SLC46A2: variants seen among roughly 807,000 people sequenced by gnomAD.
SLC46A2 encodes the protein thymic stromal co-transporter.
Under a neutral mutation model 33.1 loss-of-function variants are expected in SLC46A2, and 25 were observed. That is an observed-to-expected ratio of 0.76 (90% CI 0.55 to 1.06). SLC46A2 has a LOEUF of 1.06. Among genes scored for constraint, SLC46A2 ranks in the 50% least tolerant of loss-of-function variants. The pLI is 0.00. For missense variants in SLC46A2, 622 were observed against 621.7 expected (o/e 1.00, Z 0.00); for synonymous variants, 254 against 275.9 (o/e 0.92, Z 0.79).
At position 112,890,134 on chromosome 9, in the gene SLC46A2, G is replaced by A. The variant is rs1841708626; in HGVS notation, c.548C>T (p.Ala183Val). The A allele has an allele frequency of 1.1e-5, 17 of 1,613,276 alleles. No individual in the cohort carries two copies. Among genetic ancestry groups the A allele is most frequent in the Non-Finnish European group, 1.4e-5 (16 of 1,179,884 alleles). The change falls in exon 1 of 4, where the codon GCG (alanine) becomes GTG (valine). Residue 183 changes from alanine (A) to valine (V), a missense_variant. By Grantham distance (64) the Ala-to-Val change is moderately conservative. Coordinates refer to ENST00000374228, the MANE Select transcript of SLC46A2 (RefSeq NM_033051.4). This position sits in a 1 kb window ranked among gnomAD's most constrained non-coding sequence, Gnocchi z 6.0. ...LILIDLMLGL[A>V]GFCGSMASGH... ...GGAAGCCATGCTCCCGCAGAACCCCGCCAAGCCCAGCATCAGGTCAATGAG... is the reference window on the plus strand; with the variant it reads ...GGAAGCCATGCTCCCGCAGAACCCCACCAAGCCCAGCATCAGGTCAATGAG...
chr9:112,890,025 G>C lies in SLC46A2; in HGVS notation c.657C>G (p.Ala219=). 2 of 1,614,080 alleles carry C rather than the reference G, an allele frequency of 1.2e-6. No homozygotes were observed. ...TTAGCACCAAAAGGCTGTAGAGCAG[G>C]GCAAACGAGGCACAGCTCACGCTGC... ...TACSVSCASF[A]LLYSLLVLKV... The change falls in exon 1 of 4, where the codon GCC becomes GCG. Residue 219 remains alanine (A), a synonymous_variant. Transcript: ENST00000374228. This position sits in a 1 kb window ranked among gnomAD's most constrained non-coding sequence, Gnocchi z 6.0.
rs1408758178 is a variant in SLC46A2 at position 112,879,777 on chromosome 9, G to T, written c.1413C>A (p.Asp471Glu). 6.2e-7 allele frequency: 1 copy of T among 1,612,574 alleles called. No homozygotes were observed. Among genetic ancestry groups the T allele is most frequent in the Non-Finnish European group, 8.5e-7 (1 of 1,178,820 alleles). ...YKQVPLSPYG[D>E]IIEK is the part of the protein sequence containing the mutation. ...GTAAGCATCTTCATTTCTCTATGAT[G>T]TCTCCATATGGTGACAATGGGACTT... The change falls in exon 4 of 4, where the codon GAC (aspartate) becomes GAA (glutamate). Residue 471 changes from aspartate to glutamate, a missense_variant. Coordinates refer to ENST00000374228, the MANE Select transcript of SLC46A2 (RefSeq NM_033051.4).
intron 1 of SLC46A2, among the ~76,000 whole-genome samples, chr9:112,887,912 AGTGTGT>A (rs34424153): frequency 5.1e-4 from 73 of 142,340 alleles, no homozygotes; most frequent in South Asian, 1.6e-3. Flanking sequence ...ATCCAGATGC[AGTGTGT>A]GTGTGTGTGT....
chr9:112,879,030 T>C lies in SLC46A2; in HGVS notation c.*732A>G, dbSNP rs1841547140. On this transcript the variant is annotated 3_prime_UTR_variant, in exon 4 of 4. Transcript: ENST00000374228. ...TAGCTCTTAATGTACCTCCTCTTCC[T>C]TCACACCACCCACTTTGGGAAGCAC... The C allele has an allele frequency of 6.6e-6, 1 of 152,190 alleles. No homozygotes were observed. The highest frequency in any genetic ancestry group is 1.9e-4 in the East Asian group (1 of 5,200). 9.4% of individuals were successfully genotyped at this position (152,190 alleles called of 1,614,324 possible).
chr9:112,884,131 G>A (rs1341297736), intron 3 of SLC46A2, among the ~76,000 whole-genome samples: 4 of 152,210 alleles, frequency 2.6e-5, no homozygotes, highest in African/African-American at 9.6e-5. Flanking sequence ...GAGCAAACAA[G>A]AGAGGGCAAG....
intron 3 of SLC46A2, chr9:112,881,789 T>G (rs1195140039): frequency 6.6e-6 from 1 of 152,238 alleles, no homozygotes; most frequent in Non-Finnish European, 1.5e-5. Flanking sequence ...ATTAAACAGC[T>G]AATCATGAAA....
chr9:112,888,678 C>G (rs1841677721), intron 1 of SLC46A2, among the ~76,000 whole-genome samples: 1 of 152,198 alleles, frequency 6.6e-6, no homozygotes, highest in African/African-American at 2.4e-5. Context: ...TCATCTCGAG[C>G]TTTCTGCTTA....
chr9:112,886,940 G>T (rs1016706703), intron 2 of SLC46A2, among the ~76,000 whole-genome samples: 1 of 152,026 alleles, frequency 6.6e-6, no homozygotes, highest in Non-Finnish European at 1.5e-5. Flanking sequence ...TGTTGTCCAG[G>T]CTGGTCTTGA....
At chr9:112,888,883 T>TTTG (rs1554760200) in intron 1 of SLC46A2, among the ~76,000 whole-genome samples, 9 of 144,562 alleles carry the variant, frequency 6.2e-5, no homozygotes, top group East Asian at 4.0e-4. Context: ...GTTTTTTTTT[T>TTTG]TTTGTTTGTT....
Position 112,890,415 on chromosome 9 carries a change from G to C in SLC46A2, c.267C>G (p.Pro89=), listed in dbSNP as rs144319966. The C allele has an allele frequency of 3.2e-4, 523 of 1,614,230 alleles. 1 individual carries two copies. The African/African-American group carries it at 3.5e-3, about 11-fold the overall frequency. ...IIYNLVVGLS[P]LLSAYGLGWL... ...ATCCCAGCCCGTAGGCGGACAGCAGGGGGGACAGGCCCACCACAAGGTTGT... is the reference window on the plus strand; with the variant it reads ...ATCCCAGCCCGTAGGCGGACAGCAGCGGGGACAGGCCCACCACAAGGTTGT... The change falls in exon 1 of 4, where the codon CCC becomes CCG. Residue 89 remains proline, a synonymous_variant. Transcript: ENST00000374228. The surrounding 1 kb of genome is among the most constrained non-coding windows in gnomAD (Gnocchi z 6.0).
chr9:112,890,612 G>A lies in SLC46A2; in HGVS notation c.70C>T (p.Pro24Ser). ...GCCACCTGGGACGAGGCCACCACGGGCTCAACCCAGGTCCTCGGGTGGAAG... is the reference window on the plus strand; with the variant it reads ...GCCACCTGGGACGAGGCCACCACGGACTCAACCCAGGTCCTCGGGTGGAAG... ...PRFHPRTWVEPVVASSQVAAS... is the reference protein window; with the variant it reads ...PRFHPRTWVESVVASSQVAAS... The change falls in exon 1 of 4, where the codon CCC (proline) becomes TCC (serine). Residue 24 changes from proline to serine, a missense_variant. Transcript: ENST00000374228. The surrounding 1 kb of genome is among the most constrained non-coding windows in gnomAD (Gnocchi z 6.0). 1 of 1,606,642 alleles carries A rather than the reference G, an allele frequency of 6.2e-7. No individual in the cohort carries two copies. The highest frequency in any genetic ancestry group is 8.5e-7 in the Non-Finnish European group (1 of 1,179,922).
Position 112,890,240 on chromosome 9 carries a change from C to T in SLC46A2, c.442G>A (p.Gly148Ser), listed in dbSNP as rs1211698547. The T allele has an allele frequency of 3.7e-6, 6 of 1,613,012 alleles. No homozygotes were observed. In the Admixed American group the frequency reaches 6.7e-5, roughly 18 times the overall value. Residue 148 changes from glycine to serine, a missense_variant, in exon 1 of 4, where the codon GGC becomes AGC. Transcript: ENST00000374228. The surrounding 1 kb of genome is among the most constrained non-coding windows in gnomAD (Gnocchi z 6.0). Reference sequence around the variant, plus strand: ...ACCCCGGACCAGAAGGCGGAGAAGCCGCCGAATAGCCCGTTCAGCGCCGCC... The same window carrying T: ...ACCCCGGACCAGAAGGCGGAGAAGCTGCCGAATAGCCCGTTCAGCGCCGCC... ...GAAALNGLFG[G>S]FSAFWSGVMA...
chr9:112,890,226 G>T lies in SLC46A2; in HGVS notation c.456C>A (p.Phe152Leu). Residue 152 changes from phenylalanine (F) to leucine (L), a missense_variant, in exon 1 of 4, where the codon TTC (phenylalanine) becomes TTA (leucine). By Grantham distance (22) the Phe-to-Leu change is conservative. Coordinates refer to ENST00000374228, the MANE Select transcript of SLC46A2 (RefSeq NM_033051.4). The surrounding 1 kb of genome is among the most constrained non-coding windows in gnomAD (Gnocchi z 6.0). ...LNGLFGGFSA[F>L]WSGVMALGSL... ...ATCCCAGCGCCATGACCCCGGACCA[G>T]AAGGCGGAGAAGCCGCCGAATAGCC... 1 of 1,613,064 alleles carries T rather than the reference G, an allele frequency of 6.2e-7. No individual in the cohort carries two copies. The highest frequency in any genetic ancestry group is 8.5e-7 in the Non-Finnish European group (1 of 1,179,878).
intron 1 of SLC46A2, 102 bp downstream of exon 1, chr9:112,889,451 C>A: frequency 1.5e-6 from 2 of 1,303,438 alleles, no homozygotes; most frequent in Non-Finnish European, 2.1e-6. Flanking sequence ...AGGTTCAATC[C>A]CTGGTGCTGA....
In SLC46A2 at chr9:112,888,754, G is replaced by A. The variant is rs75901213; in HGVS notation, c.1129+799C>T. 3.1e-4 allele frequency among the ~76,000 whole-genome samples: 47 copies of A among 152,256 alleles called. No homozygotes were observed. The East Asian group carries it at 8.1e-3, about 26-fold the overall frequency. ...GCTTCCTTGGGGAATTTATTACATT[G>A]GTTGTGGAAGGCATTTACCGAGTAT... On this transcript the variant is annotated intron_variant, in intron 1 of 3. Transcript: ENST00000374228.
chr9:112,890,776 C>CGGAGCGCGAGTGTGCTCCGTGCGCCG lies in SLC46A2; in HGVS notation c.-121_-96dup, dbSNP rs200371278. 8.2e-3 allele frequency: 10,376 copies of CGGAGCGCGAGTGTGCTCCGTGCGCCG among 1,264,754 alleles called. 206 individuals carry two copies. Among genetic ancestry groups the CGGAGCGCGAGTGTGCTCCGTGCGCCG allele is most frequent in the African/African-American group, 0.028 (1,883 of 66,610 alleles). 78.3% of individuals were successfully genotyped at this position (1,264,754 alleles called of 1,614,324 possible). A position where few individuals can be genotyped will look rare whatever the true frequency, so the allele number is the denominator to read the frequency against. The stretch of plus-strand genomic sequence containing the variant: ...GCTACGGCTGCTCAGGTTTCAGTCC[C>CGGAGCGCGAGTGTGCTCCGTGCGCCG]GGAGCGCGAGTGTGCTCCGTGCGCC... On this transcript the variant is annotated 5_prime_UTR_variant, in exon 1 of 4. Transcript: ENST00000374228. This position sits in a 1 kb window ranked among gnomAD's most constrained non-coding sequence, Gnocchi z 6.0.
intron 3 of SLC46A2, chr9:112,880,123 G>T: frequency 4.2e-6 from 1 of 237,266 alleles, no homozygotes; most frequent in Non-Finnish European, 8.2e-6. Flanking sequence ...CTGAAGTCAG[G>T]AGTTCGAGAC....
At position 112,889,585 on chromosome 9, in the gene SLC46A2, G is replaced by A. The variant is rs16917454; in HGVS notation, c.1097C>T (p.Ala366Val). 9.1e-4 allele frequency: 1,474 copies of A among 1,613,546 alleles called. 13 individuals are homozygous for A. In the African/African-American group the frequency reaches 0.018, roughly 19 times the overall value. ...GAACATGTATGTCTCTTTCACAAAAGCCAAGAGGAGGGCTCCTGACCCAAA... is the reference window on the plus strand; with the variant it reads ...GAACATGTATGTCTCTTTCACAAAAACCAAGAGGAGGGCTCCTGACCCAAA... ...VSFGSGALLL[A>V]FVKETYMFYI... The change falls in exon 1 of 4, where the codon GCT (alanine) becomes GTT (valine). Residue 366 changes from alanine (A) to valine (V), a missense_variant. Coordinates refer to ENST00000374228, the MANE Select transcript of SLC46A2 (RefSeq NM_033051.4).
chr9:112,889,641 G>A lies in SLC46A2; in HGVS notation c.1041C>T (p.Asp347=). The A allele has an allele frequency of 6.2e-7, 1 of 1,614,154 alleles. No individual in the cohort carries two copies. The highest frequency in any genetic ancestry group is 8.5e-7 in the Non-Finnish European group (1 of 1,180,018). ...CCATCCCAATCATGATCATGGTGGTGTCCCGAAAGCAGCGGGAGAAGACCA... is the reference window on the plus strand; with the variant it reads ...CCATCCCAATCATGATCATGGTGGTATCCCGAAAGCAGCGGGAGAAGACCA... ...GVLVFSRCFR[D]TTMIMIGMVS... Residue 347 remains aspartate (D), a synonymous_variant, in exon 1 of 4, where the codon GAC becomes GAT. Transcript: ENST00000374228.
Sources: allele counts gnomAD v4.1 joint callset (sites outside exome capture counted in the v4.1 genomes callset), GRCh38; gene constraint gnomAD v4.1.1; non-coding constraint Gnocchi (gnomAD v3.1); transcripts MANE v1.5; gene names NCBI Gene and HGNC (gene_info 2026-07-23, HGNC 2026-07-21).